ANKS1B: variants seen among roughly 807,000 people sequenced by gnomAD.
ANKS1B encodes ankyrin repeat and sterile alpha motif domain-containing protein 1B.
ANKS1B carries 36 observed loss-of-function variants against 148.3 expected under a neutral mutation model. The ratio of observed to expected loss-of-function variants is 0.24; its 90% CI spans 0.19 to 0.32. The LOEUF is 0.32. ANKS1B is among the 10% of genes least tolerant of loss of function. The pLI is 1.00. For synonymous variants in ANKS1B, 542 were observed against 560.8 expected (o/e 0.97, Z 0.47); for missense variants, 1,157 against 1,542.6 (o/e 0.75, Z 4.19).
intron 17 of ANKS1B, among the ~76,000 whole-genome samples, chr12:99,038,432 T>C (rs1217121203): frequency 1.3e-5 from 2 of 152,318 alleles, no homozygotes; most frequent in East Asian, 3.9e-4. Context: ...ACCACTTTAG[T>C]ACAAGGCACC....
intron 12 of ANKS1B, among the ~76,000 whole-genome samples, chr12:99,296,484 C>T (rs543850237): frequency 9.9e-5 from 15 of 152,244 alleles, no homozygotes; most frequent in Non-Finnish European, 1.5e-4. Flanking sequence ...AGGGATCTTT[C>T]GATGGCTGGC....
In ANKS1B at chr12:99,640,387, A is replaced by G. The variant is rs187180800; in HGVS notation, c.1272+14680T>C. Among the ~76,000 whole-genome samples the G allele has an allele frequency of 5.1e-4, 78 of 152,228 alleles. 1 individual carries two copies. Among genetic ancestry groups the G allele is most frequent in the Middle Eastern group, 6.8e-3 (2 of 294 alleles). The stretch of plus-strand genomic sequence containing the variant: ...AAACTCATTTTGAAATTTAACTGCT[A>G]TTTTAATAATATTAAAAGGTGAGAC... On this transcript the variant is annotated intron_variant, in intron 9 of 26. Transcript: ENST00000683438.
chr12:99,760,500 A>G (rs1425670469), intron 8 of ANKS1B, among the ~76,000 whole-genome samples: 1 of 151,918 alleles, frequency 6.6e-6, no homozygotes, highest in Non-Finnish European at 1.5e-5. Context: ...TCTTTGAAAT[A>G]AACTAAAACA....
intron 17 of ANKS1B, among the ~76,000 whole-genome samples, chr12:98,871,424 A>T (rs1239596481): frequency 6.6e-6 from 1 of 152,216 alleles, no homozygotes; most frequent in East Asian, 1.9e-4. Context: ...TGATATAGAC[A>T]TAGTTATCTG....
chr12:99,669,435 C>CT (rs968304898), intron 8 of ANKS1B, among the ~76,000 whole-genome samples: 141 of 146,886 alleles, frequency 9.6e-4, no homozygotes, highest in East Asian at 2.4e-3. Flanking sequence ...CTTGCTTTTA[C>CT]TTTTTTTTTT....
chr12:99,233,631 G>T (rs1162576889), intron 14 of ANKS1B, among the ~76,000 whole-genome samples: 1 of 152,152 alleles, frequency 6.6e-6, no homozygotes, highest in Non-Finnish European at 1.5e-5. Flanking sequence ...GAATTAATAA[G>T]TTCTGAGAAT....
In ANKS1B at chr12:99,369,795, C is replaced by CAGAT. The variant is rs1354703471; in HGVS notation, c.1756+29835_1756+29836insATCT. ...ATAGATAGATAGATAGATAGATGGA[C>CAGAT]GGACGGACAGACGGACGGACGGACA... On this transcript the variant is annotated intron_variant, in intron 12 of 26. Coordinates refer to ENST00000683438, the MANE Select transcript of ANKS1B (RefSeq NM_001352186.2). Among the ~76,000 whole-genome samples, 85 of 91,176 alleles carry CAGAT rather than the reference C, an allele frequency of 9.3e-4. 2 individuals are homozygous for CAGAT. In the South Asian group the frequency reaches 0.026, roughly 28 times the overall value. The allele number at this position is 91,176 out of a possible 152,430, so 59.8% of individuals were successfully genotyped here.
At chr12:99,851,010 A>C (rs1056097962) in intron 1 of ANKS1B, among the ~76,000 whole-genome samples, 2 of 152,116 alleles carry the variant, frequency 1.3e-5, no homozygotes, top group African/African-American at 4.8e-5. Flanking sequence ...CTATGTTTTC[A>C]ATTCTAAGCA....
At chr12:99,449,626 T>C (rs2095692953) in intron 10 of ANKS1B, among the ~76,000 whole-genome samples, 1 of 152,120 alleles carries the variant, frequency 6.6e-6, no homozygotes, top group African/African-American at 2.4e-5. Context: ...GTATATGAGT[T>C]TCCTTTTCCA....
chr12:99,405,937 C>T (rs2094521512), intron 11 of ANKS1B, among the ~76,000 whole-genome samples: 1 of 144,958 alleles, frequency 6.9e-6, no homozygotes, highest in Non-Finnish European at 1.5e-5. Flanking sequence ...TAAAAACAGA[C>T]AAAAAATCAT....
intron 9 of ANKS1B, among the ~76,000 whole-genome samples, chr12:99,583,316 G>A (rs971511262): frequency 6.6e-6 from 1 of 152,126 alleles, no homozygotes; most frequent in Admixed American, 6.5e-5. Context: ...AATATAAATG[G>A]AAGTATATAA....
chr12:98,772,040 A>G (rs2098590958), intron 25 of ANKS1B, among the ~76,000 whole-genome samples: 2 of 152,326 alleles, frequency 1.3e-5, no homozygotes, highest in African/African-American at 4.8e-5. Flanking sequence ...AAATTAGTAA[A>G]TGAGTAATGG....
chr12:99,630,749 T>C (rs2098150126), intron 9 of ANKS1B, among the ~76,000 whole-genome samples: 1 of 152,218 alleles, frequency 6.6e-6, no homozygotes, highest in African/African-American at 2.4e-5. Flanking sequence ...GGAGCAAGAC[T>C]CACTGTGTGA....
intron 10 of ANKS1B, among the ~76,000 whole-genome samples, chr12:99,487,210 G>A (rs1421326492): frequency 6.6e-6 from 1 of 152,146 alleles, no homozygotes; most frequent in Admixed American, 6.5e-5. Context: ...CCTTCTCCTA[G>A]GAGGTGGGAA....
intron 8 of ANKS1B, among the ~76,000 whole-genome samples, chr12:99,724,339 G>A (rs553974935): frequency 9.2e-5 from 14 of 152,192 alleles, no homozygotes; most frequent in African/African-American, 1.4e-4. Context: ...AAAACACAGC[G>A]GAAGAACTTC....
At chr12:98,868,950 T>A (rs1206991155) in intron 17 of ANKS1B, among the ~76,000 whole-genome samples, 1 of 152,218 alleles carries the variant, frequency 6.6e-6, no homozygotes, top group Non-Finnish European at 1.5e-5. Context: ...TTGAGAGATA[T>A]ATTTTATAAC....
chr12:98,858,802 T>C (rs2099584680), intron 17 of ANKS1B, among the ~76,000 whole-genome samples: 1 of 152,208 alleles, frequency 6.6e-6, no homozygotes, highest in Non-Finnish European at 1.5e-5. Flanking sequence ...AGCTGTGATG[T>C]CCAATGTATG....
At chr12:99,912,583 CT>C (rs2094039429) in intron 1 of ANKS1B, among the ~76,000 whole-genome samples, 1 of 152,218 alleles carries the variant, frequency 6.6e-6, no homozygotes, top group East Asian at 1.9e-4. Flanking sequence ...AACTCCCGGC[CT>C]TAAGCAATCT....
chr12:99,867,651 C>A (rs1358237029), intron 1 of ANKS1B, among the ~76,000 whole-genome samples: 1 of 152,132 alleles, frequency 6.6e-6, no homozygotes, highest in East Asian at 1.9e-4. Context: ...AAATTCTCTC[C>A]CACCGGGTAC....
Sources: gnomAD v4.1 joint callset for allele counts (sites outside exome capture counted in the v4.1 genomes callset) on GRCh38, gnomAD v4.1.1 for gene constraint, MANE v1.5 for transcripts, NCBI Gene and HGNC (gene_info 2026-07-23, HGNC 2026-07-21) for gene names.